The following HERC1 variants were observed in gnomAD, a reference collection of about 807,000 sequenced individuals.
HERC1 encodes HECT and RLD domain containing E3 ubiquitin protein ligase family member 1.
A neutral mutation model predicts 554.3 loss-of-function variants in HERC1; 160 were observed. That is an observed-to-expected ratio of 0.29 (90% CI 0.25 to 0.33). The LOEUF is 0.33. Ranked by LOEUF, HERC1 falls within the 10% of genes least tolerant of loss-of-function variation. The probability of loss-of-function intolerance (pLI) is 1.00; values close to 1 mark genes in which losing one functional copy is unlikely to be tolerated. For missense variants in HERC1, 4,919 were observed against 5,918.5 expected, an observed-to-expected ratio of 0.83 and a Z score of 5.54; for synonymous variants, 2,175 against 2,131.7, an observed-to-expected ratio of 1.02 and a Z score of -0.56.
chr15:63,634,959 T>C, intron 65 of HERC1, 71 bp from the exon 66 acceptor site: 3 of 1,146,864 alleles, frequency 2.6e-6, no homozygotes, highest in Non-Finnish European at 3.8e-6. Flanking sequence ...CTGCCATTTT[T>C]GGTATTAATA....
rs111764186 is a variant in HERC1 at position 63,793,702 on chromosome 15, T to C, written c.-26-18053A>G. Among the ~76,000 whole-genome samples the C allele has an allele frequency of 6.1e-3, 926 of 152,300 alleles. 5 individuals carry two copies. The highest frequency in any genetic ancestry group is 0.011 in the Non-Finnish European group (769 of 68,018). The stretch of plus-strand genomic sequence containing the variant: ...TGTGGACTCGCCCTGAATTCTTTCT[T>C]GCGCAAGATCCAAGAACCCTCTCTT... On this transcript the variant is annotated intron_variant, in intron 1 of 77. Transcript: ENST00000443617.
In HERC1 at chr15:63,692,219, CATTA is replaced by C. The variant is rs2072153035; in HGVS notation, c.5830+188_5830+191del. On this transcript the variant is annotated intron_variant, in intron 31 of 77. Coordinates refer to ENST00000443617, the MANE Select transcript of HERC1 (RefSeq NM_003922.4). The surrounding 1 kb of genome is among the most constrained non-coding windows in gnomAD (Gnocchi z 4.7). ...AATTCTATGATCTTCTCCAGAGCTA[CATTA>C]TTTATTTTCTGCCAATTTTTACTTC... is the stretch of plus-strand genomic sequence containing the variant. Among the ~76,000 whole-genome samples, 1 of 152,214 alleles carries C rather than the reference CATTA, an allele frequency of 6.6e-6. No homozygotes were observed. The highest frequency in any genetic ancestry group is 1.5e-5 in the Non-Finnish European group (1 of 68,030).
At chr15:63,745,565 T>C (rs1481326558) in intron 12 of HERC1, among the ~76,000 whole-genome samples, 1 of 152,184 alleles carries the variant, frequency 6.6e-6, no homozygotes, top group East Asian at 1.9e-4. Flanking sequence ...TGCCTCACAA[T>C]TGTTGTGTTC....
intron 48 of HERC1, 104 bp from the exon 49 acceptor site, chr15:63,656,462 A>C: frequency 5.9e-6 from 6 of 1,017,730 alleles, no homozygotes; most frequent in Non-Finnish European, 8.6e-6. Context: ...CCATAATAAA[A>C]TGTAAGCTGC....
At position 63,630,646 on chromosome 15, in the gene HERC1, CAAAACA is replaced by C; in HGVS notation, c.12797-17_12797-12del. The C allele has an allele frequency of 6.2e-7, 1 of 1,605,458 alleles. No homozygotes were observed. The highest frequency in any genetic ancestry group is 8.5e-7 in the Non-Finnish European group (1 of 1,176,266). On this transcript the variant is annotated splice_polypyrimidine_tract_variant and intron_variant, in intron 68 of 77. Transcript: ENST00000443617. Reference sequence around the variant, plus strand: ...AGCCTATCAGGCGATCTGAAAAAAACAAAACAAAAACATGTGGAAATGTTATGCACC... The same window carrying C: ...AGCCTATCAGGCGATCTGAAAAAAACAAAACATGTGGAAATGTTATGCACC...
intron 25 of HERC1, among the ~76,000 whole-genome samples, chr15:63,701,030 G>C (rs1034000063): frequency 2.0e-5 from 3 of 151,402 alleles, no homozygotes; most frequent in Non-Finnish European, 2.9e-5. Flanking sequence ...TTTTGGGGGG[G>C]TGTTTTTTTT....
At chr15:63,768,442 T>C (rs2075850277) in intron 2 of HERC1, among the ~76,000 whole-genome samples, 1 of 152,228 alleles carries the variant, frequency 6.6e-6, no homozygotes, top group Non-Finnish European at 1.5e-5. Flanking sequence ...GCTAAGTGTT[T>C]AAAAGTAACT....
chr15:63,662,096 TATTAA>T (rs1189527364), intron 44 of HERC1, 75 bp from the exon 45 acceptor site: 6 of 1,371,410 alleles, frequency 4.4e-6, no homozygotes, highest in African/African-American at 2.9e-5. Context: ...AGATTATTTA[TATTAA>T]ATTACTTTAT....
intron 34 of HERC1, among the ~76,000 whole-genome samples, chr15:63,681,284 G>T (rs2414825): frequency 0.81 from 123,781 of 152,084 alleles, 52,247 homozygotes; most frequent in Non-Finnish European, 0.88. Context: ...TCACTGAAGC[G>T]TCAAATTCCT....
chr15:63,609,367 AT>A, intron 77 of HERC1, 101 bp from the exon 78 acceptor site: 1 of 1,027,278 alleles, frequency 9.7e-7, no homozygotes, highest in Non-Finnish European at 1.4e-6. Context: ...TGGAATTAAC[AT>A]GGCCACATGG....
Position 63,640,342 on chromosome 15 carries a change from G to C in HERC1, c.11711C>G (p.Pro3904Arg). 6.2e-7 allele frequency: 1 copy of C among 1,613,810 alleles called. No homozygotes were observed. Among genetic ancestry groups the C allele is most frequent in the Non-Finnish European group, 8.5e-7 (1 of 1,179,750 alleles). Reference protein sequence around the residue: ...LHLDQLLCNPPVPPHHQNCLP... With the variant: ...LHLDQLLCNPRVPPHHQNCLP... ...ACAGTTCTGGTGGTGTGGTGGCACT[G>C]GAGGGTTACACAACAGCTGATCCAG... Residue 3904 changes from proline (P) to arginine (R), a missense_variant, in exon 61 of 78, where the codon CCA becomes CGA. This residue lies in a region of HERC1 where 1,963 missense variants were observed against 2,228.6 expected (regional missense o/e 0.88). Transcript: ENST00000443617.
intron 55 of HERC1, among the ~76,000 whole-genome samples, chr15:63,646,833 A>C (rs562716957): frequency 0.011 from 1,131 of 107,514 alleles, 7 homozygotes; most frequent in African/African-American, 0.031. Context: ...AACAAACAAA[A>C]ACAAAAACAA....
intron 34 of HERC1, among the ~76,000 whole-genome samples, chr15:63,682,757 C>T (rs780368603): frequency 7.9e-5 from 12 of 151,766 alleles, no homozygotes; most frequent in Non-Finnish European, 7.4e-5. Context: ...TTTGAGTAAA[C>T]TTAAGATGTG....
intron 33 of HERC1, 146 bp downstream of exon 33, chr15:63,689,443 A>C: frequency 1.8e-6 from 1 of 561,856 alleles, no homozygotes. Context: ...GAGGGGAGGG[A>C]ATCAGTGGAA....
chr15:63,767,996 G>A lies in HERC1; in HGVS notation c.931-3805C>T, dbSNP rs535089441. On this transcript the variant is annotated intron_variant, in intron 2 of 77. Transcript: ENST00000443617. ...AAAGCTTCCTGTTGTCATAGTCTCC[G>A]TTATCGCCCCACCCCATTAATAATC... Among the ~76,000 whole-genome samples, 5 of 151,998 alleles carry A rather than the reference G, an allele frequency of 3.3e-5. No homozygotes were observed. The South Asian group carries it at 6.2e-4, about 19-fold the overall frequency.
intron 1 of HERC1, among the ~76,000 whole-genome samples, chr15:63,783,864 A>G (rs1365526503): frequency 1.3e-5 from 2 of 152,068 alleles, no homozygotes; most frequent in Non-Finnish European, 2.9e-5. Flanking sequence ...TCAGGAGATC[A>G]AGACCATCCT....
At chr15:63,704,666 T>C (rs1271095441) in intron 25 of HERC1, among the ~76,000 whole-genome samples, 1 of 151,726 alleles carries the variant, frequency 6.6e-6, no homozygotes, top group Non-Finnish European at 1.5e-5. Flanking sequence ...AATTACCAAA[T>C]AATGAAATGC....
chr15:63,775,791 A>T lies in HERC1; in HGVS notation c.-26-142T>A, dbSNP rs2076094728. 1 of 610,110 alleles carries T rather than the reference A, an allele frequency of 1.6e-6. No homozygotes were observed. The highest frequency in any genetic ancestry group is 3.4e-5 in the Admixed American group (1 of 29,332). The allele number at this position is 610,110 out of a possible 1,614,324, so 37.8% of individuals were successfully genotyped here. A position where few individuals can be genotyped will look rare whatever the true frequency, so the allele number is the denominator to read the frequency against. ...GGTGGCTCACGCCTGTAATCCCAAC[A>T]CTTTGGGAGGCCAAAGTGGGCAGAT... On this transcript the variant is annotated intron_variant, in intron 1 of 77. Transcript: ENST00000443617. This position sits in a 1 kb window ranked among gnomAD's most constrained non-coding sequence, Gnocchi z 4.0.
chr15:63,637,001 C>T (rs1160462122), intron 64 of HERC1: 3 of 384,102 alleles, frequency 7.8e-6, no homozygotes, highest in African/African-American at 2.1e-5. Flanking sequence ...AAAAAACCGT[C>T]GGTGCTCTCT....
Sources: gnomAD v4.1 joint callset for allele counts (sites outside exome capture counted in the v4.1 genomes callset) on GRCh38, gnomAD v4.1.1 for gene constraint, gnomAD v4.1.1 regional missense constraint, Gnocchi (gnomAD v3.1) non-coding constraint, MANE v1.5 for transcripts, NCBI Gene and HGNC (gene_info 2026-07-23, HGNC 2026-07-21) for gene names.